The following TEAD4 variants were observed in gnomAD, a reference collection of about 807,000 sequenced individuals.
TEAD4 encodes transcriptional enhancer factor TEF-3.
TEAD4 carries 36 observed loss-of-function variants against 52.4 expected under a neutral mutation model. The observed-to-expected ratio is 0.69, with a 90% CI of 0.53 to 0.91. The LOEUF is 0.91. TEAD4 is among the 40% of genes least tolerant of loss of function. TEAD4 has a pLI of 0.00. For synonymous variants in TEAD4, 220 were observed against 231.0 expected, an observed-to-expected ratio of 0.95 and a Z score of 0.43; for missense variants, 508 against 583.9, an observed-to-expected ratio of 0.87 and a Z score of 1.34.
chr12:3,026,433 A>G (rs2098272133), intron 10 of TEAD4, among the ~76,000 whole-genome samples: 2 of 152,252 alleles, frequency 1.3e-5, no homozygotes, highest in South Asian at 4.1e-4. Context: ...TGCTCCTGAC[A>G]TCATGAGGGA....
intron 2 of TEAD4, among the ~76,000 whole-genome samples, chr12:2,974,787 C>T (rs932536369): frequency 5.3e-5 from 8 of 152,076 alleles, no homozygotes; most frequent in East Asian, 1.9e-4. Context: ...GGCTGACCCT[C>T]GGGTTCTGAC....
intron 4 of TEAD4, among the ~76,000 whole-genome samples, chr12:3,011,392 G>A (rs1246833243): frequency 2.0e-5 from 3 of 151,950 alleles, no homozygotes; most frequent in African/African-American, 7.3e-5. Flanking sequence ...CACAATGCCC[G>A]GCTAATTTTT....
Position 3,008,761 on chromosome 12 carries a change from T to C in TEAD4, c.227-2243T>C, listed in dbSNP as rs542898847. 5.3e-5 allele frequency among the ~76,000 whole-genome samples: 8 copies of C among 152,282 alleles called. No individual in the cohort carries two copies. In the South Asian group the frequency reaches 1.7e-3, roughly 32 times the overall value. On this transcript the variant is annotated intron_variant, in intron 3 of 12. Coordinates refer to ENST00000359864, the MANE Select transcript of TEAD4 (RefSeq NM_003213.4). ...TGAATGGAGGCATAGTCTCTTCCTC[T>C]GAGCTGTTGAGAGTCTAACAAGGAA...
intron 3 of TEAD4, among the ~76,000 whole-genome samples, chr12:2,998,366 C>T (rs769636053): frequency 1.3e-5 from 2 of 151,902 alleles, no homozygotes; most frequent in African/African-American, 2.4e-5. Flanking sequence ...AAGCGCCGGG[C>T]TGTGGATCTC....
Position 3,040,486 on chromosome 12 carries a change from G to T in TEAD4, c.*8G>T. The T allele has an allele frequency of 6.2e-7, 1 of 1,613,152 alleles. No individual in the cohort carries two copies. The highest frequency in any genetic ancestry group is 1.7e-4 in the Middle Eastern group (1 of 5,976). ...AGGCTGGTGAAAGAATGAGAGACTC[G>T]GGGAGCAGGGAGGGGGGAAGAGACG... On this transcript the variant is annotated 3_prime_UTR_variant, in exon 13 of 13. Transcript: ENST00000359864.
At chr12:3,015,799 C>T (rs183490344) in intron 5 of TEAD4, among the ~76,000 whole-genome samples, 3 of 152,014 alleles carry the variant, frequency 2.0e-5, no homozygotes, top group African/African-American at 7.2e-5. Flanking sequence ...GGGAGGTTCT[C>T]AACCTTTGTA....
intron 10 of TEAD4, among the ~76,000 whole-genome samples, chr12:3,024,175 C>G (rs555001430): frequency 2.0e-5 from 3 of 151,768 alleles, no homozygotes; most frequent in Admixed American, 1.3e-4. Context: ...CCCGGGTTCA[C>G]GCCATTCTCC....
At chr12:2,996,512 C>A (rs953155173) in intron 3 of TEAD4, among the ~76,000 whole-genome samples, 4 of 151,718 alleles carry the variant, frequency 2.6e-5, no homozygotes, top group Admixed American at 1.3e-4. Flanking sequence ...CGGGTTCAAG[C>A]GATTCTCCCA....
At chr12:3,026,960 G>A (rs912256128) in intron 10 of TEAD4, among the ~76,000 whole-genome samples, 6 of 152,178 alleles carry the variant, frequency 3.9e-5, no homozygotes, top group African/African-American at 1.2e-4. Context: ...TATGAAGTAA[G>A]TGTTACTTCT....
chr12:3,024,165 C>T (rs1252887172), intron 10 of TEAD4, among the ~76,000 whole-genome samples: 1 of 151,914 alleles, frequency 6.6e-6, no homozygotes, highest in Non-Finnish European at 1.5e-5. Flanking sequence ...AGCTCCGCCT[C>T]CCGGGTTCAC....
Position 3,040,431 on chromosome 12 carries a change from A to G in TEAD4, c.1258A>G (p.Ser420Gly). Residue 420 changes from serine (S) to glycine (G), a missense_variant, in exon 13 of 13, where the codon AGT becomes GGT. Physicochemically the swap from Ser to Gly is moderately conservative, Grantham distance 56 (BLOSUM62 0). Coordinates refer to ENST00000359864, the MANE Select transcript of TEAD4 (RefSeq NM_003213.4). ...TGCCTATGTCTTTGAGGTGTCAGCCAGTGAGCACGGGGCTCAGCACCACAT... is the reference window on the plus strand; with the variant it reads ...TGCCTATGTCTTTGAGGTGTCAGCCGGTGAGCACGGGGCTCAGCACCACAT... 1 of 1,614,176 alleles carries G rather than the reference A, an allele frequency of 6.2e-7. No homozygotes were observed. Among genetic ancestry groups the G allele is most frequent in the Non-Finnish European group, 8.5e-7 (1 of 1,180,016 alleles).
At chr12:3,033,784 G>A (rs1268143153) in intron 10 of TEAD4, among the ~76,000 whole-genome samples, 2 of 152,224 alleles carry the variant, frequency 1.3e-5, no homozygotes, top group Non-Finnish European at 1.5e-5. Context: ...GGGGACCGGG[G>A]CAGCTCTCAT....
At chr12:2,991,937 T>TG (rs2098243326) in intron 2 of TEAD4, among the ~76,000 whole-genome samples, 1 of 150,818 alleles carries the variant, frequency 6.6e-6, no homozygotes, top group African/African-American at 2.4e-5. Flanking sequence ...CTTAGGCCTC[T>TG]GGGCCTCAGT....
intron 2 of TEAD4, among the ~76,000 whole-genome samples, chr12:2,992,319 GGT>G (rs1349182580): frequency 2.6e-5 from 4 of 151,960 alleles, no homozygotes; most frequent in Non-Finnish European, 5.9e-5. Context: ...GCGCCCGGCT[GGT>G]TCCTGCTTTA....
chr12:3,034,619 G>A (rs2098278170), intron 10 of TEAD4, among the ~76,000 whole-genome samples: 1 of 152,162 alleles, frequency 6.6e-6, no homozygotes. Context: ...GATGGCACGT[G>A]AATATGCATT....
chr12:2,995,987 G>T (rs574346423), intron 3 of TEAD4, among the ~76,000 whole-genome samples: 1 of 149,886 alleles, frequency 6.7e-6, no homozygotes, highest in African/African-American at 2.5e-5. Context: ...CTGCCTGGGT[G>T]CCAGAGTGAG....
intron 2 of TEAD4, among the ~76,000 whole-genome samples, chr12:2,970,796 CTG>C (rs2098224374): frequency 6.6e-6 from 1 of 152,234 alleles, no homozygotes; most frequent in Admixed American, 6.5e-5. Context: ...GGGGCTTGAA[CTG>C]TGCCGGGTGG....
intron 10 of TEAD4, among the ~76,000 whole-genome samples, chr12:3,032,926 C>G (rs921240091): frequency 1.3e-5 from 2 of 152,238 alleles, no homozygotes; most frequent in Admixed American, 6.5e-5. Context: ...CGGCTCCCCC[C>G]GCATCGGGAA....
chr12:2,970,170 A>G (rs867489460), intron 2 of TEAD4, among the ~76,000 whole-genome samples: 12 of 152,266 alleles, frequency 7.9e-5, no homozygotes, highest in Non-Finnish European at 1.5e-4. Context: ...AAAAGTATCA[A>G]TGAGATAGTT....
Sources: gnomAD v4.1 joint callset for allele counts (sites outside exome capture counted in the v4.1 genomes callset) on GRCh38, gnomAD v4.1.1 for gene constraint, MANE v1.5 for transcripts, NCBI Gene and HGNC (gene_info 2026-07-23, HGNC 2026-07-21) for gene names.